DNAH11: variants seen among roughly 807,000 people sequenced by gnomAD.
DNAH11 encodes dynein axonemal heavy chain 11.
In DNAH11, 442 loss-of-function variants were observed where a neutral mutation model predicts 526.0. That is an observed-to-expected ratio of 0.84 (90% confidence interval 0.78 to 0.91). DNAH11 has a LOEUF of 0.91. Among genes scored for constraint, DNAH11 ranks in the 40% least tolerant of loss-of-function variants. DNAH11 has a pLI of 0.00. For missense variants in DNAH11, 6,989 were observed against 5,448.7 expected (o/e 1.28, Z -8.90); for synonymous variants, 2,461 against 1,935.9 (o/e 1.27, Z -7.12).
At chr7:21,675,610 G>A (rs1472326362) in intron 30 of DNAH11, among the ~76,000 whole-genome samples, 1 of 152,200 alleles carries the variant, frequency 6.6e-6, no homozygotes, top group Non-Finnish European at 1.5e-5. Context: ...GTATGAGTGA[G>A]TGAATGAGAG....
At chr7:21,805,689 A>G (rs998185665) in intron 62 of DNAH11, among the ~76,000 whole-genome samples, 3 of 152,208 alleles carry the variant, frequency 2.0e-5, no homozygotes, top group Admixed American at 6.5e-5. Context: ...AGTAGGCCCT[A>G]CCATGTGTGT....
intron 79 of DNAH11, among the ~76,000 whole-genome samples, chr7:21,897,414 C>T (rs955521154): frequency 6.8e-6 from 1 of 147,196 alleles, no homozygotes; most frequent in South Asian, 2.2e-4. Flanking sequence ...TCAAATGCTG[C>T]CGTGGAGATG....
At chr7:21,893,626 A>C (rs997400024) in intron 77 of DNAH11, among the ~76,000 whole-genome samples, 6 of 152,222 alleles carry the variant, frequency 3.9e-5, no homozygotes, top group African/African-American at 1.4e-4. Flanking sequence ...CTTTCTAGAT[A>C]TTGACTGGTT....
Position 21,704,538 on chromosome 7 carries a change from G to T in DNAH11, c.6378G>T (p.Val2126=), listed in dbSNP as rs773476367. 1.9e-6 allele frequency: 3 copies of T among 1,613,724 alleles called. No individual in the cohort carries two copies. The highest frequency in any genetic ancestry group is 4.5e-5 in the East Asian group (2 of 44,884). The change falls in exon 38 of 82, where the codon GTG becomes GTT. Residue 2126 remains valine (V), a synonymous_variant. Transcript: ENST00000409508. The part of the protein sequence containing the change: ...LVGDLFPALD[V]PRRRKLHFEQ... Reference sequence around the variant, plus strand: ...GTGACCTGTTTCCAGCCCTGGATGTGCCCCGGAGGAGGAAGCTGCACTTTG... The same window carrying T: ...GTGACCTGTTTCCAGCCCTGGATGTTCCCCGGAGGAGGAAGCTGCACTTTG...
intron 28 of DNAH11, among the ~76,000 whole-genome samples, chr7:21,649,311 T>C (rs372124227): frequency 6.6e-6 from 1 of 152,202 alleles, no homozygotes; most frequent in African/African-American, 2.4e-5. Context: ...CAGAAATACA[T>C]AGATGGACCA....
chr7:21,725,096 T>C (rs559576181), intron 44 of DNAH11, among the ~76,000 whole-genome samples: 1 of 152,338 alleles, frequency 6.6e-6, no homozygotes, highest in South Asian at 2.1e-4. Context: ...TCTATACTGA[T>C]ATTAAAGCAA....
intron 68 of DNAH11, among the ~76,000 whole-genome samples, chr7:21,856,796 C>A (rs1583779075): frequency 6.7e-6 from 1 of 150,266 alleles, no homozygotes; most frequent in South Asian, 2.1e-4. Flanking sequence ...AAAAAAAAAA[C>A]CAACCAACTC....
At chr7:21,807,330 C>T (rs917562257) in intron 62 of DNAH11, among the ~76,000 whole-genome samples, 26 of 152,138 alleles carry the variant, frequency 1.7e-4, no homozygotes, top group Non-Finnish European at 7.3e-5. Flanking sequence ...GAAGCCCCGT[C>T]TCTACAAAAA....
intron 6 of DNAH11, among the ~76,000 whole-genome samples, chr7:21,567,711 G>T (rs1026737742): frequency 2.0e-5 from 3 of 152,230 alleles, no homozygotes. Flanking sequence ...CCTATGACGG[G>T]AATGCCAGTC....
Position 21,750,273 on chromosome 7 carries a change from G to A in DNAH11, c.8849G>A (p.Gly2950Glu). The change falls in exon 54 of 82, where the codon GGA becomes GAA. Residue 2950 changes from glycine to glutamate, a missense_variant. Transcript: ENST00000409508. The part of the protein sequence containing the change: ...SDEDVDKIIS[G>E]IHNEVHALGM... ...GAAGATGTGGACAAGATAATTTCTG[G>A]AATTCATAATGAAGTTCATGCTCTG... 1 of 1,605,016 alleles carries A rather than the reference G, an allele frequency of 6.2e-7. No individual in the cohort carries two copies.
At chr7:21,758,881 T>C (rs891020811) in intron 54 of DNAH11, among the ~76,000 whole-genome samples, 11 of 152,196 alleles carry the variant, frequency 7.2e-5, no homozygotes, top group Non-Finnish European at 1.6e-4. Flanking sequence ...CAATGGTGCA[T>C]GTGTGTAGAG....
chr7:21,852,581 G>A lies in DNAH11; in HGVS notation c.11011G>A (p.Val3671Ile). 2 of 1,608,710 alleles carry A rather than the reference G, an allele frequency of 1.2e-6. No individual in the cohort carries two copies. Among genetic ancestry groups the A allele is most frequent in the South Asian group, 2.2e-5 (2 of 89,440 alleles). ...AAGCTTTCTGGATGACACCAAACTG[G>A]TAGAGAGATTGGAGGCAACAAAGAC... is the stretch of plus-strand genomic sequence containing the variant. ...EGSFLDDTKL[V>I]ERLEATKTTV... The change falls in exon 67 of 82, where the codon GTA becomes ATA. Residue 3671 changes from valine to isoleucine, a missense_variant. Coordinates refer to ENST00000409508, the MANE Select transcript of DNAH11 (RefSeq NM_001277115.2).
rs1434435873 is a variant in DNAH11, at chr7:21,655,981, T to C, written c.5094T>C (p.His1698=). The C allele has an allele frequency of 6.3e-7, 1 of 1,588,498 alleles. No homozygotes were observed. The highest frequency in any genetic ancestry group is 8.6e-7 in the Non-Finnish European group (1 of 1,165,348). ...PFQAECECVG[H]VETWLLQLEQ... ...AAGCCGAGTGTGAATGTGTGGGCCA[T>C]GTAAGATTTGATTATGAGGTTTTCT... The change falls in exon 29 of 82, where the codon CAT becomes CAC. Residue 1698 remains histidine, a splice_region_variant and synonymous_variant. Coordinates refer to ENST00000409508, the MANE Select transcript of DNAH11 (RefSeq NM_001277115.2).
intron 57 of DNAH11, 48 bp from the exon 58 acceptor site, chr7:21,784,379 C>A: frequency 7.2e-7 from 1 of 1,393,976 alleles, no homozygotes; most frequent in South Asian, 1.2e-5. Flanking sequence ...TTAGAGATAT[C>A]TGTGATAATA....
chr7:21,673,494 T>TC (rs779308344), intron 30 of DNAH11, among the ~76,000 whole-genome samples: 60 of 152,074 alleles, frequency 3.9e-4, no homozygotes, highest in Non-Finnish European at 6.0e-4. Context: ...CTGATGTCCC[T>TC]CCCCCCACAG....
At chr7:21,826,544 T>C (rs749280620) in intron 65 of DNAH11, among the ~76,000 whole-genome samples, 17 of 152,212 alleles carry the variant, frequency 1.1e-4, no homozygotes, top group Admixed American at 3.3e-4. Flanking sequence ...AATTTTATAA[T>C]GGATCTTCCT....
intron 25 of DNAH11, among the ~76,000 whole-genome samples, chr7:21,620,828 T>C (rs566664224): frequency 3.3e-5 from 5 of 150,454 alleles, no homozygotes; most frequent in Admixed American, 2.0e-4. Flanking sequence ...GGTTTTTTGT[T>C]CTTGTGATAG....
chr7:21,722,536 C>T (rs1324220861), intron 44 of DNAH11, among the ~76,000 whole-genome samples: 1 of 152,188 alleles, frequency 6.6e-6, no homozygotes, highest in Non-Finnish European at 1.5e-5. Context: ...GCCAGTTCCA[C>T]TTCTCGCCAC....
chr7:21,612,513 C>CCACTG (rs1392248266), intron 20 of DNAH11, among the ~76,000 whole-genome samples: 1 of 145,522 alleles, frequency 6.9e-6, no homozygotes, highest in African/African-American at 2.6e-5. Context: ...CAAGATTGCA[C>CCACTG]CACTGCACTC....
Sources: allele counts gnomAD v4.1 joint callset (sites outside exome capture counted in the v4.1 genomes callset), GRCh38; gene constraint gnomAD v4.1.1; transcripts MANE v1.5; gene names NCBI Gene and HGNC (gene_info 2026-07-23, HGNC 2026-07-21).